The following PDE4B variants were observed in gnomAD, a reference collection of about 807,000 sequenced individuals.
The protein encoded by PDE4B is 3',5'-cyclic-AMP phosphodiesterase 4B.
In PDE4B, 20 loss-of-function variants were observed where a neutral mutation model predicts 82.2. The observed-to-expected ratio is 0.24, with a 90% CI of 0.17 to 0.35. The LOEUF (loss-of-function observed/expected upper bound fraction) is 0.35. Ranked by LOEUF, PDE4B falls within the 10% of genes least tolerant of loss-of-function variation. The pLI is 1.00. For missense variants in PDE4B, 655 were observed against 907.2 expected, an observed-to-expected ratio of 0.72 and a Z score of 3.57; for synonymous variants, 320 against 318.9, an observed-to-expected ratio of 1.00 and a Z score of -0.04.
At chr1:66,036,831 A>T (rs1027760720) in intron 3 of PDE4B, among the ~76,000 whole-genome samples, 3 of 151,976 alleles carry the variant, frequency 2.0e-5, no homozygotes, top group Admixed American at 6.6e-5. Flanking sequence ...ATTCCGTACA[A>T]ATTTTATAAT....
intron 3 of PDE4B, among the ~76,000 whole-genome samples, chr1:66,206,907 T>C (rs1329162076): frequency 6.6e-6 from 1 of 152,216 alleles, no homozygotes; most frequent in African/African-American, 2.4e-5. Context: ...TGAGGAAAAT[T>C]CTGCATTACA....
intron 3 of PDE4B, chr1:65,993,117 C>T (rs1651338563): frequency 6.2e-7 from 1 of 1,613,468 alleles, no homozygotes; most frequent in Non-Finnish European, 8.5e-7. Flanking sequence ...TCGGCAGCGT[C>T]GTCGCTTCAC....
intron 3 of PDE4B, among the ~76,000 whole-genome samples, chr1:66,003,349 TAAA>T (rs5774784): frequency 2.0e-5 from 3 of 149,428 alleles, no homozygotes; most frequent in Middle Eastern, 3.4e-3. Flanking sequence ...TCAATACATT[TAAA>T]AAAAAAAAAC....
At chr1:65,800,666 T>C (rs1388368899) in intron 1 of PDE4B, among the ~76,000 whole-genome samples, 2 of 152,334 alleles carry the variant, frequency 1.3e-5, no homozygotes, top group African/African-American at 4.8e-5. Context: ...AAACAATTTG[T>C]GGTAGGCCCA....
At chr1:65,873,154 A>T (rs947148017) in intron 1 of PDE4B, among the ~76,000 whole-genome samples, 3 of 152,264 alleles carry the variant, frequency 2.0e-5, no homozygotes, top group Admixed American at 6.5e-5. Flanking sequence ...GATGTAAGTA[A>T]AGCGTACTGA....
intron 3 of PDE4B, among the ~76,000 whole-genome samples, chr1:66,176,351 C>G (rs1422511912): frequency 6.6e-6 from 1 of 152,234 alleles, no homozygotes; most frequent in Non-Finnish European, 1.5e-5. Context: ...GCAGGTCCAT[C>G]CACTCTTGGA....
chr1:65,794,292 A>G (rs999577479), intron 1 of PDE4B, among the ~76,000 whole-genome samples: 10 of 152,218 alleles, frequency 6.6e-5, no homozygotes, highest in Non-Finnish European at 1.3e-4. Flanking sequence ...TGGCTAAGTT[A>G]TAAGAATGAA....
chr1:66,137,264 G>A (rs546562356), intron 3 of PDE4B, among the ~76,000 whole-genome samples: 15 of 152,248 alleles, frequency 9.9e-5, no homozygotes, highest in Admixed American at 5.9e-4. Flanking sequence ...TTGATGTCTC[G>A]TGGGGTGTAG....
intron 8 of PDE4B, among the ~76,000 whole-genome samples, chr1:66,341,258 G>A (rs143750539): frequency 6.6e-6 from 1 of 152,296 alleles, no homozygotes; most frequent in African/African-American, 2.4e-5. Context: ...GTCTTAAGGT[G>A]TATTAGTGGG....
chr1:66,327,314 C>T (rs1659809656), intron 7 of PDE4B, among the ~76,000 whole-genome samples: 1 of 152,152 alleles, frequency 6.6e-6, no homozygotes, highest in Non-Finnish European at 1.5e-5. Context: ...GAATGTTGCT[C>T]AGCAGTTTGT....
intron 10 of PDE4B, among the ~76,000 whole-genome samples, chr1:66,362,186 G>A (rs1395345120): frequency 1.3e-5 from 2 of 152,170 alleles, no homozygotes; most frequent in Non-Finnish European, 2.9e-5. Context: ...GAAAATCCAA[G>A]GAAAGGTCAA....
Position 66,263,005 on chromosome 1 carries a change from G to A in PDE4B, c.585-3033G>A, listed in dbSNP as rs1654796715. Reference sequence around the variant, plus strand: ...CACAAAAGTCTTCTTTGGAACTCAGGAAAAGGTGTAAGATAAAATTATTAA... The same window carrying A: ...CACAAAAGTCTTCTTTGGAACTCAGAAAAAGGTGTAAGATAAAATTATTAA... On this transcript the variant is annotated intron_variant, in intron 6 of 16. Coordinates refer to ENST00000341517, the MANE Select transcript of PDE4B (RefSeq NM_002600.4). Among the ~76,000 whole-genome samples, 2 of 152,180 alleles carry A rather than the reference G, an allele frequency of 1.3e-5. 1 individual carries two copies. Among genetic ancestry groups the A allele is most frequent in the South Asian group, 4.2e-4 (2 of 4,818 alleles).
intron 1 of PDE4B, among the ~76,000 whole-genome samples, chr1:65,863,360 T>A (rs753849519): frequency 1.3e-5 from 2 of 152,204 alleles, no homozygotes; most frequent in Non-Finnish European, 2.9e-5. Flanking sequence ...GGCACTGTGG[T>A]CTGAGAGACT....
At chr1:66,260,328 C>G (rs529973104) in intron 6 of PDE4B, among the ~76,000 whole-genome samples, 1 of 152,256 alleles carries the variant, frequency 6.6e-6, no homozygotes, top group African/African-American at 2.4e-5. Flanking sequence ...ATTTGCCAAA[C>G]CTGTTAAGTC....
chr1:66,281,169 T>C (rs999131739), intron 7 of PDE4B, among the ~76,000 whole-genome samples: 2 of 152,220 alleles, frequency 1.3e-5, no homozygotes, highest in African/African-American at 4.8e-5. Context: ...TAAAAACACA[T>C]TACTCCCTCT....
At chr1:65,933,574 A>AT (rs1392443994) in intron 3 of PDE4B, among the ~76,000 whole-genome samples, 1 of 152,086 alleles carries the variant, frequency 6.6e-6, no homozygotes, top group Non-Finnish European at 1.5e-5. Flanking sequence ...GGCGCCTATA[A>AT]TCCCAGCTAC....
chr1:66,100,874 C>T (rs1645207743), intron 3 of PDE4B, among the ~76,000 whole-genome samples: 1 of 152,044 alleles, frequency 6.6e-6, no homozygotes, highest in South Asian at 2.1e-4. Flanking sequence ...GGTACATGTG[C>T]ACAACGTGCA....
intron 3 of PDE4B, among the ~76,000 whole-genome samples, chr1:66,196,878 G>A (rs1450183967): frequency 6.6e-6 from 1 of 151,704 alleles, no homozygotes; most frequent in Non-Finnish European, 1.5e-5. Context: ...GTTAGTGGGG[G>A]TAGCGCACCA....
Position 66,368,842 on chromosome 1 carries a change from A to C in PDE4B, c.1718A>C (p.Glu573Ala). 3 of 1,613,322 alleles carry C rather than the reference A, an allele frequency of 1.9e-6. No individual in the cohort carries two copies. Among genetic ancestry groups the C allele is most frequent in the Non-Finnish European group, 2.5e-6 (3 of 1,179,486 alleles). The change falls in exon 16 of 17, where the codon GAA becomes GCA. Residue 573 changes from glutamate (E) to alanine (A), a missense_variant. Coordinates refer to ENST00000341517, the MANE Select transcript of PDE4B (RefSeq NM_002600.4). ...ADLSNPTKSL[E>A]LYRQWTDRIM... ...CTGAGCAACCCCACCAAGTCCTTGG[A>C]ATTGTATCGGCAATGGACAGACCGC...
Sources: gnomAD v4.1 joint callset for allele counts (sites outside exome capture counted in the v4.1 genomes callset) on GRCh38, gnomAD v4.1.1 for gene constraint, MANE v1.5 for transcripts, NCBI Gene and HGNC (gene_info 2026-07-23, HGNC 2026-07-21) for gene names.